SLC25A39: variants seen among roughly 807,000 people sequenced by gnomAD.
SLC25A39 encodes the protein mitochondrial glutathione transporter SLC25A39.
In SLC25A39, 44 loss-of-function variants were observed where a neutral mutation model predicts 46.6. The observed-to-expected ratio is 0.94, with a 90% confidence interval of 0.74 to 1.21. The LOEUF (loss-of-function observed/expected upper bound fraction) is 1.21. Among genes scored for constraint, SLC25A39 ranks in the 50% most tolerant of loss-of-function variants. The pLI is 0.00. For missense variants in SLC25A39, 487 were observed against 473.0 expected (o/e 1.03, Z -0.28); for synonymous variants, 218 against 190.6 (o/e 1.14, Z -1.19).
rs775128371 is a variant in SLC25A39, at chr17:44,321,368, T to C, written c.517+66A>G. 3.7e-6 allele frequency: 6 copies of C among 1,608,666 alleles called. No individual in the cohort carries two copies. In the Admixed American group the frequency reaches 1.0e-4, roughly 27 times the overall value. ...GCTGGCAGAGGTTGGGGCTGGGAGC[T>C]GGGACTGACTGGGTTTGGGCCGAGG... On this transcript the variant is annotated intron_variant, in intron 7 of 11. Transcript: ENST00000377095.
At chr17:44,322,627 GAAGGCCAGTA>G in intron 4 of SLC25A39, 75 bp from the exon 5 acceptor site, 1 of 1,579,858 alleles carries the variant, frequency 6.3e-7, no homozygotes, top group Admixed American at 1.9e-5. Flanking sequence ...CCTATCCCTG[GAAGGCCAGTA>G]AAGGCCAGGT....
At position 44,323,745 on chromosome 17, in the gene SLC25A39, G is replaced by A. The variant is rs529729482; in HGVS notation, c.-15-168C>T. ...CTGCAACATCCACCCCCGTTCAAGC[G>A]GTTCTCTTGCTTCAGCCTCCCAAGT... is the stretch of plus-strand genomic sequence containing the variant. On this transcript the variant is annotated intron_variant, in intron 1 of 11. Coordinates refer to ENST00000377095, the MANE Select transcript of SLC25A39 (RefSeq NM_001143780.3). 40 of 591,944 alleles carry A rather than the reference G, an allele frequency of 6.8e-5. 1 individual carries two copies. In the East Asian group the frequency reaches 9.1e-4, roughly 13 times the overall value. The allele number at this position is 591,944 out of a possible 1,614,324, so 36.7% of individuals were successfully genotyped here. A position where few individuals can be genotyped will look rare whatever the true frequency, so the allele number is the denominator to read the frequency against.
At position 44,322,788 on chromosome 17, in the gene SLC25A39, C is replaced by T. The variant is rs758962039; in HGVS notation, c.190+20G>A. ...TCCCCCTTGCACCCTCCCATGCTCC[C>T]TGTGGCTTGGGGCACTCACATTTGG... On this transcript the variant is annotated intron_variant, in intron 4 of 11. Coordinates refer to ENST00000377095, the MANE Select transcript of SLC25A39 (RefSeq NM_001143780.3). The T allele has an allele frequency of 6.2e-7, 1 of 1,614,000 alleles. No individual in the cohort carries two copies. Among genetic ancestry groups the T allele is most frequent in the South Asian group, 1.1e-5 (1 of 91,076 alleles).
chr17:44,323,439 A>AAAACC, intron 2 of SLC25A39, 39 bp downstream of exon 2: 7 of 257,112 alleles, frequency 2.7e-5, no homozygotes, highest in Non-Finnish European at 4.0e-5. Context: ...GGTCTGCCCC[A>AAAACC]TCCCCACCCG....
At position 44,323,329 on chromosome 17, in the gene SLC25A39, C is replaced by G. The variant is rs371528345; in HGVS notation, c.100G>C (p.Val34Leu). The G allele has an allele frequency of 2.0e-5, 33 of 1,611,684 alleles. No homozygotes were observed. The highest frequency in any genetic ancestry group is 2.7e-5 in the Non-Finnish European group (32 of 1,178,988). ...TGAGACTGCAGGCGAACCTTCACCA[C>G]GTCCAGGGGTGTCACTGGGGGAGGA... ...VTSLFMTPLD[V>L]VKVRLQSQRP... is the part of the protein sequence containing the mutation. Residue 34 changes from valine (V) to leucine (L), a missense_variant, in exon 3 of 12, where the codon GTG (valine) becomes CTG (leucine). Physicochemically the swap from Val to Leu is conservative, Grantham distance 32 (BLOSUM62 1). Coordinates refer to ENST00000377095, the MANE Select transcript of SLC25A39 (RefSeq NM_001143780.3).
chr17:44,324,316 T>C (rs1316469856), intron 1 of SLC25A39: 1 of 152,510 alleles, frequency 6.6e-6, no homozygotes, highest in Non-Finnish European at 1.5e-5. Flanking sequence ...CCCAAGTTAC[T>C]GGGCGTGGAG....
At chr17:44,323,439 A>AAGGC in intron 2 of SLC25A39, 39 bp downstream of exon 2, 1 of 257,110 alleles carries the variant, frequency 3.9e-6, no homozygotes, top group Non-Finnish European at 5.7e-6. Context: ...GGTCTGCCCC[A>AAGGC]TCCCCACCCG....
chr17:44,323,543 G>A lies in SLC25A39; in HGVS notation c.20C>T (p.Ala7Val), dbSNP rs755329106. The change falls in exon 2 of 12, where the codon GCG becomes GTG. Residue 7 changes from alanine to valine, a missense_variant. Transcript: ENST00000377095. The stretch of plus-strand genomic sequence containing the variant: ...CATTTGCTGGAGGGGGCTGATGCCC[G>A]CAGGGTCCTGGTCAGCCATCTTGAA... Reference protein sequence around the residue: MADQDPAGISPLQQMVA... With the variant: MADQDPVGISPLQQMVA... 7 of 1,571,854 alleles carry A rather than the reference G, an allele frequency of 4.5e-6. No individual in the cohort carries two copies. The South Asian group carries it at 5.8e-5, about 13-fold the overall frequency.
In SLC25A39 at chr17:44,320,275, C is replaced by T; in HGVS notation, c.885G>A (p.Val295=). 1 of 1,613,750 alleles carries T rather than the reference C, an allele frequency of 6.2e-7. No homozygotes were observed. Among genetic ancestry groups the T allele is most frequent in the Non-Finnish European group, 8.5e-7 (1 of 1,180,020 alleles). The change falls in exon 11 of 12, where the codon GTG becomes GTA. Residue 295 remains valine, a splice_region_variant and synonymous_variant. Coordinates refer to ENST00000377095, the MANE Select transcript of SLC25A39 (RefSeq NM_001143780.3). ...AGGTGGAGTCCACATGCAGGGGGTT[C>T]ACTGCAAACGCGAGGCCGGCTCAGT... ...VALGAMEAVR[V]NPLHVDSTWL... is the part of the protein sequence containing the mutation.
In SLC25A39 at chr17:44,322,494, C is replaced by A. The variant is rs1206065338; in HGVS notation, c.249G>T (p.Glu83Asp). The change falls in exon 5 of 12, where the codon GAG becomes GAT. Residue 83 changes from glutamate (E) to aspartate (D), a missense_variant. Physicochemically the swap from Glu to Asp is conservative, Grantham distance 45 (BLOSUM62 2). Coordinates refer to ENST00000377095, the MANE Select transcript of SLC25A39 (RefSeq NM_001143780.3). ...CACCATTTGGGCACAGGTACAGAGGCTCCAGGACACCATTGCAATACAGGA... is the reference window on the plus strand; with the variant it reads ...CACCATTTGGGCACAGGTACAGAGGATCCAGGACACCATTGCAATACAGGA... ...KCLLYCNGVL[E>D]PLYLCPNGAR... The A allele has an allele frequency of 1.9e-6, 3 of 1,614,154 alleles. No homozygotes were observed. Among genetic ancestry groups the A allele is most frequent in the Non-Finnish European group, 2.5e-6 (3 of 1,180,018 alleles).
chr17:44,320,328 C>A, intron 10 of SLC25A39, 27 bp downstream of exon 10: 2 of 1,613,478 alleles, frequency 1.2e-6, no homozygotes, highest in Non-Finnish European at 1.7e-6. Flanking sequence ...CCCACCTGTC[C>A]CCTGCCACGG....
chr17:44,323,434 G>GGGCCCCCCC, intron 2 of SLC25A39, 44 bp downstream of exon 2: 1 of 1,367,922 alleles, frequency 7.3e-7, no homozygotes, highest in Non-Finnish European at 1.0e-6. Context: ...TCTCCGGTCT[G>GGGCCCCCCC]CCCCATCCCC....
chr17:44,322,696 T>A, intron 4 of SLC25A39, 112 bp downstream of exon 4: 1 of 1,565,840 alleles, frequency 6.4e-7, no homozygotes, highest in Non-Finnish European at 8.7e-7. Flanking sequence ...TGGCAGGACC[T>A]GGGAGTATAT....
intron 1 of SLC25A39, 122 bp from the exon 2 acceptor site, chr17:44,323,699 C>T (rs2048135632): frequency 1.5e-6 from 1 of 673,824 alleles, no homozygotes; most frequent in Non-Finnish European, 2.5e-6. Context: ...GGCTGGAGTG[C>T]AGTGGCACCA....
Position 44,321,043 on chromosome 17 carries a change from A to G in SLC25A39, c.691+15T>C, listed in dbSNP as rs779873868. ...CAGGGTTCCCTCACCCACCCCCTGC[A>G]GCTTGGGTGCCTACCTGAGAAGGGC... On this transcript the variant is annotated intron_variant, in intron 8 of 11. Transcript: ENST00000377095. 6.4e-7 allele frequency: 1 copy of G among 1,571,798 alleles called. No homozygotes were observed. Among genetic ancestry groups the G allele is most frequent in the South Asian group, 1.2e-5 (1 of 84,784 alleles).
At chr17:44,321,856 G>A (rs916246585) in intron 5 of SLC25A39, 89 bp from the exon 6 acceptor site, 243 of 1,358,298 alleles carry the variant, frequency 1.8e-4, no homozygotes, top group Middle Eastern at 5.1e-4. Flanking sequence ...TTTGCCTGAC[G>A]CCCTCAGCCT....
At position 44,320,684 on chromosome 17, in the gene SLC25A39, A is replaced by G. The variant is rs2011951; in HGVS notation, c.739T>C (p.Phe247Leu). 0.44 allele frequency: 709,589 copies of G among 1,613,394 alleles called. 170,283 individuals are homozygous for G. The highest frequency in any genetic ancestry group is 0.89 in the East Asian group (40,015 of 44,864). Residue 247 changes from phenylalanine (F) to leucine (L), a missense_variant, in exon 9 of 12, where the codon TTC becomes CTC. Physicochemically the swap from Phe to Leu is conservative, Grantham distance 22 (BLOSUM62 0). Transcript: ENST00000377095. ...ACAGAAGTCTGGTCCTTCGGCCTGA[A>G]CCCATTGAGCCAGCTCTTCACCAGC... The part of the protein sequence containing the change: ...YELVKSWLNG[F>L]RPKDQTSVGM...
Position 44,320,722 on chromosome 17 carries a change from C to T in SLC25A39, c.701G>A (p.Trp234Ter), listed in dbSNP as rs369965341. 1.2e-6 allele frequency: 2 copies of T among 1,613,474 alleles called. No individual in the cohort carries two copies. Among genetic ancestry groups the T allele is most frequent in the South Asian group, 2.2e-5 (2 of 91,056 alleles). Residue 234 changes from tryptophan (W) to a stop codon, truncating the protein, a stop_gained, in exon 9 of 12, where the codon TGG (tryptophan) becomes TAG (stop). Transcript: ENST00000377095. LOFTEE classifies it high-confidence loss of function. ...LRDVPFSALY[W>*]FNYELVKSWL... The stretch of plus-strand genomic sequence containing the variant: ...GCTCTTCACCAGCTCATAGTTGAAC[C>T]AGTACAGGGCTTGGGGTGGGGGATG...
At chr17:44,323,619 C>T in intron 1 of SLC25A39, 42 bp from the exon 2 acceptor site, 2 of 1,417,002 alleles carry the variant, frequency 1.4e-6, no homozygotes, top group African/African-American at 1.4e-5. Context: ...CCAGGGATGG[C>T]AGGAAAGGAG....
Sources: allele counts gnomAD v4.1 joint callset, GRCh38; gene constraint gnomAD v4.1.1; transcripts MANE v1.5; gene names NCBI Gene and HGNC (gene_info 2026-07-23, HGNC 2026-07-21).